The following NBEA variants were observed in gnomAD, a reference collection of about 807,000 sequenced individuals.
NBEA encodes the protein lysosomal-trafficking regulator 2.
In NBEA, 44 loss-of-function variants were observed where a neutral mutation model predicts 343.4. That is an observed-to-expected ratio of 0.13 (90% CI 0.10 to 0.16). The LOEUF (loss-of-function observed/expected upper bound fraction) is 0.16, where lower values mean the gene tolerates loss of function less well. Ranked by LOEUF, NBEA falls within the 10% of genes least tolerant of loss-of-function variation. The pLI, the probability that NBEA is intolerant of heterozygous loss-of-function variation, is 1.00. For synonymous variants in NBEA, 1,175 were observed against 1,238.7 expected, an observed-to-expected ratio of 0.95 and a Z score of 1.08; for missense variants, 2,555 against 3,631.3, an observed-to-expected ratio of 0.70 and a Z score of 7.62.
chr13:34,987,712 T>C (rs2060603006), intron 1 of NBEA, among the ~76,000 whole-genome samples: 1 of 151,212 alleles, frequency 6.6e-6, no homozygotes, highest in East Asian at 1.9e-4. Context: ...CTTTTTTCTC[T>C]AACTTCTCTT....
At chr13:35,181,509 T>C (rs1374185902) in intron 28 of NBEA, among the ~76,000 whole-genome samples, 2 of 140,444 alleles carry the variant, frequency 1.4e-5, no homozygotes, top group Non-Finnish European at 3.1e-5. Context: ...TTTGGATGAG[T>C]TTTTTTTTTT....
intron 38 of NBEA, among the ~76,000 whole-genome samples, chr13:35,426,792 A>G (rs1213777236): frequency 4.6e-5 from 7 of 152,096 alleles, no homozygotes; most frequent in African/African-American, 1.4e-4. Context: ...CCAATCAGAC[A>G]TAGATTTGGT....
intron 30 of NBEA, among the ~76,000 whole-genome samples, chr13:35,188,262 T>G (rs79411077): frequency 1.3e-5 from 2 of 152,038 alleles, no homozygotes; most frequent in African/African-American, 2.4e-5. Context: ...TTTTTTTTTT[T>G]TGTGGTAAGA....
At chr13:35,302,827 T>G (rs1202064520) in intron 35 of NBEA, among the ~76,000 whole-genome samples, 2 of 152,158 alleles carry the variant, frequency 1.3e-5, no homozygotes, top group Admixed American at 1.3e-4. Flanking sequence ...CATCACAGAT[T>G]AATAAAACCT....
At position 35,159,658 on chromosome 13, in the gene NBEA, T is replaced by G. The variant is rs372429433; in HGVS notation, c.3487T>G (p.Ser1163Ala). The change falls in exon 22 of 59, where the codon TCT (serine) becomes GCT (alanine). Residue 1163 changes from serine to alanine, a missense_variant. This residue lies in a region of NBEA where 367 missense variants were observed against 377.5 expected (regional missense o/e 0.97). Coordinates refer to ENST00000379939, the MANE Select transcript of NBEA (RefSeq NM_001385012.1). Reference protein sequence around the residue: ...KQEEKLLPELSSNHIIPNIQD... With the variant: ...KQEEKLLPELASNHIIPNIQD... ...GGAGGAAAAACTACTTCCTGAACTT[T>G]CTAGCAATCACATTATTCCAAATAT... is the stretch of plus-strand genomic sequence containing the variant. The G allele has an allele frequency of 2.5e-6, 4 of 1,611,580 alleles. No individual in the cohort carries two copies. Among genetic ancestry groups the G allele is most frequent in the South Asian group, 1.1e-5 (1 of 90,798 alleles).
rs183820724 is a variant in NBEA, at chr13:35,071,577, G to A, written c.1571+725G>A. Among the ~76,000 whole-genome samples, 4 of 151,874 alleles carry A rather than the reference G, an allele frequency of 2.6e-5. No individual in the cohort carries two copies. In the East Asian group the frequency reaches 7.7e-4, roughly 29 times the overall value. ...TGATTATACACATTGCCATGCTTGG[G>A]GATTTTAATGGGCAAGTTATATAGA... On this transcript the variant is annotated intron_variant, in intron 10 of 58. Transcript: ENST00000379939.
At chr13:35,484,704 A>G (rs1179016041) in intron 41 of NBEA, among the ~76,000 whole-genome samples, 1 of 152,152 alleles carries the variant, frequency 6.6e-6, no homozygotes, top group African/African-American at 2.4e-5. Flanking sequence ...TTCTTGAGGC[A>G]GTTTCATTTC....
chr13:35,081,669 G>A (rs2064407982), intron 10 of NBEA, among the ~76,000 whole-genome samples: 1 of 151,832 alleles, frequency 6.6e-6, no homozygotes, highest in African/African-American at 2.4e-5. Flanking sequence ...TACCTTTTAT[G>A]CCAACTCATT....
At chr13:35,263,159 A>G (rs576925341) in intron 34 of NBEA, among the ~76,000 whole-genome samples, 2 of 152,338 alleles carry the variant, frequency 1.3e-5, no homozygotes, top group South Asian at 4.1e-4. Flanking sequence ...TAGCCCATAA[A>G]TAAAGTCTCC....
intron 36 of NBEA, among the ~76,000 whole-genome samples, chr13:35,347,532 A>G (rs772805666): frequency 2.1e-5 from 3 of 142,470 alleles, no homozygotes; most frequent in South Asian, 2.3e-4. Context: ...CTTTTTAAAT[A>G]TTATTTTTTT....
At chr13:35,648,156 G>T (rs961144530) in intron 51 of NBEA, among the ~76,000 whole-genome samples, 1 of 148,136 alleles carries the variant, frequency 6.8e-6, no homozygotes, top group Admixed American at 6.7e-5. Context: ...AAGCCACCAT[G>T]CCTGCCTGGT....
chr13:35,557,400 C>T (rs1594965286), intron 44 of NBEA, among the ~76,000 whole-genome samples: 2 of 152,114 alleles, frequency 1.3e-5, no homozygotes, highest in East Asian at 3.9e-4. Flanking sequence ...ATAACATTGT[C>T]ATGCCTTCTA....
chr13:35,590,119 A>C (rs148407364), intron 46 of NBEA, among the ~76,000 whole-genome samples: 2 of 152,230 alleles, frequency 1.3e-5, no homozygotes, highest in Non-Finnish European at 2.9e-5. Flanking sequence ...AAAGTTTTTT[A>C]AGGTTAATAT....
At chr13:35,528,160 C>A (rs1039163522) in intron 41 of NBEA, among the ~76,000 whole-genome samples, 2 of 152,006 alleles carry the variant, frequency 1.3e-5, no homozygotes, top group African/African-American at 4.8e-5. Context: ...ACAATTTTAC[C>A]CCAAGCATAA....
chr13:35,622,458 T>C (rs2083034910), intron 48 of NBEA, among the ~76,000 whole-genome samples: 1 of 152,118 alleles, frequency 6.6e-6, no homozygotes, highest in African/African-American at 2.4e-5. Context: ...TAGTAACCCA[T>C]GTGGAGAGCT....
At chr13:35,346,370 G>A (rs1380446450) in intron 36 of NBEA, among the ~76,000 whole-genome samples, 1 of 152,056 alleles carries the variant, frequency 6.6e-6, no homozygotes, top group Non-Finnish European at 1.5e-5. Context: ...CTCTTTTGAA[G>A]CCTCTCTACA....
chr13:35,442,168 A>G (rs529493745), intron 39 of NBEA, among the ~76,000 whole-genome samples: 1 of 152,232 alleles, frequency 6.6e-6, no homozygotes, highest in East Asian at 1.9e-4. Context: ...ATTTTCATGT[A>G]TTTATTTCAT....
intron 17 of NBEA, among the ~76,000 whole-genome samples, chr13:35,136,154 C>CG (rs2067714896): frequency 6.6e-6 from 1 of 151,812 alleles, no homozygotes; most frequent in Admixed American, 6.6e-5. Flanking sequence ...ATATTGACAG[C>CG]GAAAAAAAAG....
chr13:35,064,735 C>T (rs2063588016), intron 8 of NBEA, among the ~76,000 whole-genome samples: 1 of 151,312 alleles, frequency 6.6e-6, no homozygotes, highest in Non-Finnish European at 1.5e-5. Flanking sequence ...GACTAGTATC[C>T]TTATAAAGGG....
Sources: gnomAD v4.1 joint callset for allele counts (sites outside exome capture counted in the v4.1 genomes callset) on GRCh38, gnomAD v4.1.1 for gene constraint, gnomAD v4.1.1 regional missense constraint, MANE v1.5 for transcripts, NCBI Gene and HGNC (gene_info 2026-07-23, HGNC 2026-07-21) for gene names.